Variants in TLL2 observed in about 807,000 individuals in gnomAD.
The protein encoded by TLL2 is tolloid like 2.
Under a neutral mutation model 123.0 loss-of-function variants are expected in TLL2, and 106 were observed. The ratio of observed to expected loss-of-function variants is 0.86; its 90% CI spans 0.74 to 1.01. The LOEUF (loss-of-function observed/expected upper bound fraction) is 1.01, where lower values mean the gene tolerates loss of function less well. Among genes scored for constraint, TLL2 ranks in the 50% least tolerant of loss-of-function variants. The probability of loss-of-function intolerance (pLI) is 0.00; values close to 1 mark genes in which losing one functional copy is unlikely to be tolerated. For missense variants in TLL2, 1,332 were observed against 1,336.7 expected (o/e 1.00, Z 0.06); for synonymous variants, 494 against 516.8 (o/e 0.96, Z 0.60).
Position 96,450,175 on chromosome 10 carries a change from A to C in TLL2, c.287-4007T>G, listed in dbSNP as rs1033481672. On this transcript the variant is annotated intron_variant, in intron 2 of 20. Transcript: ENST00000357947. ...AATGAATGCATGGATGGATGGATGGATGGATGGATGGATGGATGGATGGAT... is the reference window on the plus strand; with the variant it reads ...AATGAATGCATGGATGGATGGATGGCTGGATGGATGGATGGATGGATGGAT... Among the ~76,000 whole-genome samples, 21 of 151,928 alleles carry C rather than the reference A, an allele frequency of 1.4e-4. 1 individual carries two copies. The East Asian group carries it at 4.1e-3, about 29-fold the overall frequency.
intron 9 of TLL2, among the ~76,000 whole-genome samples, chr10:96,407,478 A>G (rs925948747): frequency 9.2e-5 from 14 of 152,158 alleles, no homozygotes; most frequent in Admixed American, 1.3e-4. Flanking sequence ...AACACAATAC[A>G]CACATCACTG....
intron 10 of TLL2, among the ~76,000 whole-genome samples, chr10:96,401,572 A>C (rs1015547422): frequency 2.0e-5 from 3 of 151,564 alleles, no homozygotes; most frequent in South Asian, 2.1e-4. Context: ...AAAAAAAAAA[A>C]CCTCAAAACA....
At chr10:96,495,792 C>A (rs1393793241) in intron 1 of TLL2, among the ~76,000 whole-genome samples, 2 of 152,122 alleles carry the variant, frequency 1.3e-5, no homozygotes, top group Non-Finnish European at 2.9e-5. Context: ...GTATGAGAAG[C>A]CTCCTGTCTC....
In TLL2 at chr10:96,395,989, G is replaced by T. The variant is rs776982624; in HGVS notation, c.1416C>A (p.Ala472=). The T allele has an allele frequency of 3.1e-6, 5 of 1,614,020 alleles. No individual in the cohort carries two copies. The highest frequency in any genetic ancestry group is 4.2e-6 in the Non-Finnish European group (5 of 1,180,028). Residue 472 remains alanine (A), a synonymous_variant, in exon 12 of 21, where the codon GCC becomes GCA. Transcript: ENST00000357947. Reference sequence around the variant, plus strand: ...GATAGTTGGGAGATTGAATCTGACCGGCATCTTTGTTCATGTCTCCCCCGC... The same window carrying T: ...GATAGTTGGGAGATTGAATCTGACCTGCATCTTTGTTCATGTCTCCCCCGC... ...ATCGGDMNKD[A]GQIQSPNYPD...
At chr10:96,374,076 G>T in intron 18 of TLL2, 1 of 450,468 alleles carries the variant, frequency 2.2e-6, no homozygotes, top group South Asian at 2.5e-5. Flanking sequence ...AGAGAGCAGG[G>T]GTTCAGAGAT....
chr10:96,447,544 C>T (rs2861579), intron 2 of TLL2, among the ~76,000 whole-genome samples: 68,928 of 151,572 alleles, frequency 0.45, 16,069 homozygotes, highest in East Asian at 0.72. Context: ...CTAGTGGATT[C>T]GATCTGAGGA....
intron 1 of TLL2, among the ~76,000 whole-genome samples, chr10:96,493,221 C>G (rs1847433881): frequency 6.6e-6 from 1 of 152,168 alleles, no homozygotes; most frequent in African/African-American, 2.4e-5. Context: ...CCTCCAGGCC[C>G]CCTCTCAATT....
intron 5 of TLL2, among the ~76,000 whole-genome samples, chr10:96,424,286 G>A (rs1003141836): frequency 6.6e-6 from 1 of 152,106 alleles, no homozygotes; most frequent in African/African-American, 2.4e-5. Context: ...TAAGTCAATT[G>A]TACATTTAAA....
At chr10:96,490,986 T>C (rs1847406511) in intron 1 of TLL2, among the ~76,000 whole-genome samples, 1 of 152,152 alleles carries the variant, frequency 6.6e-6, no homozygotes, top group East Asian at 1.9e-4. Context: ...TGGGCTCCCC[T>C]CCACCTCTCT....
chr10:96,421,794 G>A (rs921322791), intron 6 of TLL2, among the ~76,000 whole-genome samples: 5 of 151,530 alleles, frequency 3.3e-5, no homozygotes, highest in South Asian at 2.1e-4. Flanking sequence ...CCAAGATCAC[G>A]CCACTGCACT....
intron 16 of TLL2, among the ~76,000 whole-genome samples, chr10:96,380,081 G>A (rs1425986253): frequency 6.6e-6 from 1 of 152,248 alleles, no homozygotes; most frequent in Non-Finnish European, 1.5e-5. Context: ...AATGGAGACA[G>A]TAATGGTATC....
In TLL2 at chr10:96,496,861, T is replaced by A. The variant is rs551567602; in HGVS notation, c.176-16402A>T. On this transcript the variant is annotated intron_variant, in intron 1 of 20. Transcript: ENST00000357947. ...TGGTGCTTCTTTGAGCACTGTAAGG[T>A]GACTTCTTGGACCCATAGGAAAGAG... Among the ~76,000 whole-genome samples, 67 of 152,288 alleles carry A rather than the reference T, an allele frequency of 4.4e-4. No individual in the cohort carries two copies. In the Middle Eastern group the frequency reaches 0.01, roughly 23 times the overall value.
intron 7 of TLL2, among the ~76,000 whole-genome samples, chr10:96,418,902 G>T (rs746377741): frequency 6.6e-6 from 1 of 151,304 alleles, no homozygotes; most frequent in Non-Finnish European, 1.5e-5. Context: ...GAAGAGTTAT[G>T]GCAGCTACAG....
intron 2 of TLL2, among the ~76,000 whole-genome samples, chr10:96,460,010 ATT>A (rs5787189): frequency 6.6e-6 from 1 of 151,476 alleles, no homozygotes; most frequent in Non-Finnish European, 1.5e-5. Context: ...AGTAAGAATA[ATT>A]TTTTTTAAGT....
rs534276174 is a variant in TLL2 at position 96,503,549 on chromosome 10, C to G, written c.175+9962G>C. Among the ~76,000 whole-genome samples the G allele has an allele frequency of 5.9e-5, 9 of 152,294 alleles. No individual in the cohort carries two copies. In the East Asian group the frequency reaches 1.5e-3, roughly 26 times the overall value. ...CAACAGGATGCTCACTGCTTCTGCT[C>G]TTTATCAGCCAAGCCTCCTTGGGAA... On this transcript the variant is annotated intron_variant, in intron 1 of 20. Coordinates refer to ENST00000357947, the MANE Select transcript of TLL2 (RefSeq NM_012465.4).
rs1251433597 is a variant in TLL2 at position 96,365,094 on chromosome 10, G to A, written c.*2994C>T. On this transcript the variant is annotated 3_prime_UTR_variant, in exon 21 of 21. Coordinates refer to ENST00000357947, the MANE Select transcript of TLL2 (RefSeq NM_012465.4). ...TGGGCCACACATAAAATACACTAAC[G>A]ATAGCTGACGAGAAAAAAAAAAATC... is the stretch of plus-strand genomic sequence containing the variant. The A allele has an allele frequency of 6.6e-6, 1 of 151,676 alleles. No homozygotes were observed. The highest frequency in any genetic ancestry group is 1.5e-5 in the Non-Finnish European group (1 of 67,946). The allele number at this position is 151,676 out of a possible 1,614,324, so 9.4% of individuals were successfully genotyped here.
chr10:96,371,194 G>A (rs944655240), intron 19 of TLL2, among the ~76,000 whole-genome samples: 10 of 151,900 alleles, frequency 6.6e-5, no homozygotes, highest in African/African-American at 2.4e-4. Flanking sequence ...GGTGGTGGGC[G>A]CCTGTAATCC....
At chr10:96,422,984 C>T (rs2134076413) in intron 5 of TLL2, among the ~76,000 whole-genome samples, 1 of 152,086 alleles carries the variant, frequency 6.6e-6, no homozygotes, top group South Asian at 2.1e-4. Context: ...AAAAATTAGC[C>T]AGATGTGATG....
intron 2 of TLL2, among the ~76,000 whole-genome samples, chr10:96,463,355 TGAGAAAG>T (rs1233020565): frequency 1.3e-5 from 2 of 152,118 alleles, no homozygotes; most frequent in Non-Finnish European, 2.9e-5. Context: ...GGAGAGCCCC[TGAGAAAG>T]GGGCCGGTCC....
Sources: allele counts gnomAD v4.1 joint callset (sites outside exome capture counted in the v4.1 genomes callset), GRCh38; gene constraint gnomAD v4.1.1; transcripts MANE v1.5; gene names NCBI Gene and HGNC (gene_info 2026-07-23, HGNC 2026-07-21).